The following SPAG16 variants were observed in gnomAD, a reference collection of about 807,000 sequenced individuals.
SPAG16 encodes the protein sperm-associated antigen 16 protein.
In SPAG16, 86 loss-of-function variants were observed where a neutral mutation model predicts 80.4. That is an observed-to-expected ratio of 1.07 (90% CI 0.90 to 1.28). The LOEUF is 1.28. SPAG16 is among the 50% of genes most tolerant of loss of function. SPAG16 has a pLI of 0.00. For missense variants in SPAG16, 870 were observed against 765.3 expected, an observed-to-expected ratio of 1.14 and a Z score of -1.61; for synonymous variants, 294 against 265.9, an observed-to-expected ratio of 1.11 and a Z score of -1.03.
intron 6 of SPAG16, among the ~76,000 whole-genome samples, chr2:213,340,927 T>C (rs538170616): frequency 2.6e-5 from 4 of 152,312 alleles, no homozygotes; most frequent in African/African-American, 7.2e-5. Context: ...TGTGATGATA[T>C]AAATACTCTG....
chr2:214,409,748 G>T (rs943625958), intron 15 of SPAG16, among the ~76,000 whole-genome samples: 1 of 152,114 alleles, frequency 6.6e-6, no homozygotes, highest in Non-Finnish European at 1.5e-5. Flanking sequence ...CATAAATTTT[G>T]AAAGCTATGC....
intron 10 of SPAG16, among the ~76,000 whole-genome samples, chr2:213,504,631 C>A (rs1380013770): frequency 6.6e-6 from 1 of 151,774 alleles, no homozygotes; most frequent in African/African-American, 2.4e-5. Flanking sequence ...GAAAAGGGGG[C>A]AATTTAAAAC....
chr2:214,091,286 G>A (rs1479915130), intron 13 of SPAG16, among the ~76,000 whole-genome samples: 1 of 151,956 alleles, frequency 6.6e-6, no homozygotes, highest in Non-Finnish European at 1.5e-5. Context: ...TCAAAAATCT[G>A]TAATAAAACT....
intron 15 of SPAG16, among the ~76,000 whole-genome samples, chr2:214,289,012 C>T (rs1463842001): frequency 6.6e-6 from 1 of 152,160 alleles, no homozygotes; most frequent in Non-Finnish European, 1.5e-5. Context: ...TCGTGATCCA[C>T]CTGCTTTGGC....
At chr2:214,029,341 A>G (rs2125042847) in intron 13 of SPAG16, among the ~76,000 whole-genome samples, 1 of 152,152 alleles carries the variant, frequency 6.6e-6, no homozygotes, top group South Asian at 2.1e-4. Flanking sequence ...GTTGGTGGGT[A>G]GGAAGAGTGG....
rs564732063 is a variant in SPAG16, at chr2:213,775,777, T to C, written c.1071-86708T>C. Among the ~76,000 whole-genome samples the C allele has an allele frequency of 5.9e-5, 9 of 152,368 alleles. 1 individual carries two copies. The highest frequency in any genetic ancestry group is 2.2e-4 in the African/African-American group (9 of 41,590). On this transcript the variant is annotated intron_variant, in intron 10 of 15. Coordinates refer to ENST00000331683, the MANE Select transcript of SPAG16 (RefSeq NM_024532.5). ...TCTTTATAAGTAGAAGTCACTGATA[T>C]CCTTTTTAAAGGTCTTTTCATAATT...
At chr2:213,790,066 G>A (rs2070593583) in intron 10 of SPAG16, among the ~76,000 whole-genome samples, 1 of 151,428 alleles carries the variant, frequency 6.6e-6, no homozygotes, top group African/African-American at 2.4e-5. Context: ...TGCTATTTTA[G>A]TTACCTTCTA....
chr2:213,614,580 G>C (rs997599999), intron 10 of SPAG16, among the ~76,000 whole-genome samples: 3 of 152,206 alleles, frequency 2.0e-5, no homozygotes, highest in African/African-American at 7.2e-5. Flanking sequence ...TCCTGGGATA[G>C]TGGATGCCGC....
At chr2:214,344,311 C>T (rs1697919315) in intron 15 of SPAG16, among the ~76,000 whole-genome samples, 1 of 152,098 alleles carries the variant, frequency 6.6e-6, no homozygotes, top group South Asian at 2.1e-4. Flanking sequence ...AACTGGCTTT[C>T]CTGGTACTAC....
In SPAG16 at chr2:213,352,654, C is replaced by A. The variant is rs2125056141; in HGVS notation, c.762+2009C>A. 1.3e-5 allele frequency among the ~76,000 whole-genome samples: 2 copies of A among 152,282 alleles called. 1 individual carries two copies. The highest frequency in any genetic ancestry group is 4.1e-4 in the South Asian group (2 of 4,822). ...GGTTATTTAAATATTTCTTTTTACT[C>A]ACTTATTAAATAGGGATAAATTATT... is the stretch of plus-strand genomic sequence containing the variant. On this transcript the variant is annotated intron_variant, in intron 7 of 15. Transcript: ENST00000331683.
intron 13 of SPAG16, among the ~76,000 whole-genome samples, chr2:214,058,636 A>G (rs986789192): frequency 6.6e-6 from 1 of 152,182 alleles, no homozygotes; most frequent in African/African-American, 2.4e-5. Context: ...CAGGGCTGCC[A>G]CAAACCTCCA....
intron 15 of SPAG16, among the ~76,000 whole-genome samples, chr2:214,212,032 G>A (rs1219102347): frequency 6.6e-6 from 1 of 151,980 alleles, no homozygotes; most frequent in Non-Finnish European, 1.5e-5. Flanking sequence ...TGTCCAGAGA[G>A]CAAAATATAC....
At chr2:214,037,041 G>A (rs553533775) in intron 13 of SPAG16, among the ~76,000 whole-genome samples, 1 of 151,624 alleles carries the variant, frequency 6.6e-6, no homozygotes, top group East Asian at 1.9e-4. Flanking sequence ...TTCCTTTCTT[G>A]TGTTGTCGTT....
At position 214,177,916 on chromosome 2, in the gene SPAG16, C is replaced by CATATATATATATATAT. The variant is rs10622953; in HGVS notation, c.1720+28653_1720+28668dup. 5.1e-4 allele frequency among the ~76,000 whole-genome samples: 47 copies of CATATATATATATATAT among 92,184 alleles called. 2 individuals carry two copies. The highest frequency in any genetic ancestry group is 1.4e-3 in the South Asian group (4 of 2,960). The allele number at this position is 92,184 out of a possible 152,430, so 60.5% of individuals were successfully genotyped here. A position where few individuals can be genotyped will look rare whatever the true frequency, so the allele number is the denominator to read the frequency against. On this transcript the variant is annotated intron_variant, in intron 15 of 15. Transcript: ENST00000331683. The stretch of plus-strand genomic sequence containing the variant: ...ATATATATACATATATATATATATA[C>CATATATATATATATAT]ATATATATATATATATATGGCCAGA...
intron 15 of SPAG16, among the ~76,000 whole-genome samples, chr2:214,228,451 A>G (rs1173098540): frequency 6.6e-6 from 1 of 151,722 alleles, no homozygotes; most frequent in Non-Finnish European, 1.5e-5. Context: ...AAGGATTGGA[A>G]TAGAAAAGAA....
chr2:214,159,121 A>T (rs2056337175), intron 15 of SPAG16, among the ~76,000 whole-genome samples: 1 of 152,006 alleles, frequency 6.6e-6, no homozygotes, highest in Non-Finnish European at 1.5e-5. Context: ...GTTTGCAGAT[A>T]TAATAAAAAT....
intron 14 of SPAG16, among the ~76,000 whole-genome samples, chr2:214,123,692 GGT>G (rs1428667674): frequency 2.0e-5 from 3 of 152,106 alleles, no homozygotes; most frequent in African/African-American, 7.2e-5. Context: ...ACAGCAATAA[GGT>G]GAGAGTTGGG....
At chr2:213,688,785 A>G (rs1156609082) in intron 10 of SPAG16, among the ~76,000 whole-genome samples, 1 of 152,058 alleles carries the variant, frequency 6.6e-6, no homozygotes, top group African/African-American at 2.4e-5. Context: ...CCTCCAAATT[A>G]ATTTTTCTCC....
intron 11 of SPAG16, among the ~76,000 whole-genome samples, chr2:213,882,558 A>G (rs1018093362): frequency 6.6e-6 from 1 of 152,174 alleles, no homozygotes; most frequent in African/African-American, 2.4e-5. Context: ...CTAGTAAGAT[A>G]TATTTCCTCT....
Sources: gnomAD v4.1 joint callset for allele counts (sites outside exome capture counted in the v4.1 genomes callset) on GRCh38, gnomAD v4.1.1 for gene constraint, MANE v1.5 for transcripts, NCBI Gene and HGNC (gene_info 2026-07-23, HGNC 2026-07-21) for gene names.